The following EPC1 variants were observed in gnomAD, a reference collection of about 807,000 sequenced individuals.
The protein encoded by EPC1 is enhancer of polycomb 1.
In EPC1, 12 loss-of-function variants were observed where a neutral mutation model predicts 98.4. The observed-to-expected ratio is 0.12, with a 90% CI of 0.08 to 0.20. The LOEUF is 0.20. Among genes scored for constraint, EPC1 ranks in the 10% least tolerant of loss-of-function variants. The probability of loss-of-function intolerance (pLI) is 1.00; values close to 1 mark genes in which losing one functional copy is unlikely to be tolerated. For synonymous variants in EPC1, 357 were observed against 363.9 expected (o/e 0.98, Z 0.21); for missense variants, 729 against 990.5 (o/e 0.74, Z 3.54).
At chr10:32,352,180 G>T (rs1462049797), upstream of EPC1, among the ~76,000 whole-genome samples, 1 of 151,356 alleles carries the variant, frequency 6.6e-6, no homozygotes, top group Admixed American at 6.6e-5. Context: ...GAGTAGCTGG[G>T]ACTACAGGCA....
intron 1 of EPC1, among the ~76,000 whole-genome samples, chr10:32,318,003 C>T (rs567736963): frequency 2.0e-5 from 3 of 152,282 alleles, no homozygotes; most frequent in Admixed American, 2.0e-4. Context: ...AAGTTTCATT[C>T]TGATTCTGTC....
chr10:32,332,030 T>C (rs983252761), intron 1 of EPC1, among the ~76,000 whole-genome samples: 5 of 152,252 alleles, frequency 3.3e-5, no homozygotes, highest in African/African-American at 4.8e-5. Context: ...AAAGTTATCA[T>C]TGACTACCTA....
chr10:32,352,731 A>G (rs1183323341), intron 1 of EPC1, among the ~76,000 whole-genome samples: 3 of 152,218 alleles, frequency 2.0e-5, no homozygotes, highest in African/African-American at 7.2e-5. Flanking sequence ...GTACTAGGTG[A>G]TGCAGAAATA....
chr10:32,325,561 C>T (rs1189939936), intron 1 of EPC1, among the ~76,000 whole-genome samples: 1 of 152,174 alleles, frequency 6.6e-6, no homozygotes, highest in Non-Finnish European at 1.5e-5. Flanking sequence ...CACACAAATT[C>T]CCTTATTTCA....
At chr10:32,269,236 A>C in intron 13 of EPC1, 101 bp from the exon 14 acceptor site, 1 of 947,226 alleles carries the variant, frequency 1.1e-6, no homozygotes, top group Non-Finnish European at 1.6e-6. Context: ...TAACAGGAAG[A>C]AATTGGACTC....
At chr10:32,326,422 C>G (rs1837282706) in intron 1 of EPC1, among the ~76,000 whole-genome samples, 1 of 152,106 alleles carries the variant, frequency 6.6e-6, no homozygotes, top group Non-Finnish European at 1.5e-5. Flanking sequence ...CCTGGTTCCC[C>G]TGCTGATCCA....
chr10:32,310,838 C>T (rs1001395048), intron 1 of EPC1, among the ~76,000 whole-genome samples: 4 of 152,056 alleles, frequency 2.6e-5, no homozygotes, highest in South Asian at 2.1e-4. Context: ...CACGCCACTG[C>T]ACTCCAACCT....
chr10:32,271,151 C>T (rs1835823549), intron 13 of EPC1, among the ~76,000 whole-genome samples: 1 of 151,978 alleles, frequency 6.6e-6, no homozygotes, highest in African/African-American at 2.4e-5. Flanking sequence ...GCCACCATGC[C>T]CGGGTGATTT....
At chr10:32,270,920 G>GA (rs1487351144) in intron 13 of EPC1, among the ~76,000 whole-genome samples, 3 of 149,788 alleles carry the variant, frequency 2.0e-5, no homozygotes, top group Admixed American at 6.7e-5. Context: ...AGAAGCTGTG[G>GA]AAAAAAAGTC....
At chr10:32,310,322 A>G (rs1836133685) in intron 1 of EPC1, among the ~76,000 whole-genome samples, 1 of 152,206 alleles carries the variant, frequency 6.6e-6, no homozygotes, top group African/African-American at 2.4e-5. Flanking sequence ...TTTTCCAGCA[A>G]GAGTTTTATT....
intron 9 of EPC1, 56 bp downstream of exon 9, chr10:32,286,638 T>A: frequency 6.3e-7 from 1 of 1,587,420 alleles, no homozygotes; most frequent in Non-Finnish European, 8.6e-7. Flanking sequence ...AAAAGTTAGA[T>A]TCAATCACCC....
Position 32,286,933 on chromosome 10 carries a change from T to C in EPC1, c.1235A>G (p.Tyr412Cys). The C allele has an allele frequency of 6.2e-7, 1 of 1,613,428 alleles. No individual in the cohort carries two copies. Among genetic ancestry groups the C allele is most frequent in the Non-Finnish European group, 8.5e-7 (1 of 1,179,698 alleles). Residue 412 changes from tyrosine to cysteine, a missense_variant, in exon 8 of 14, where the codon TAC becomes TGC. By Grantham distance (194) the Tyr-to-Cys change is radical. This residue lies in a region of EPC1 where 390 missense variants were observed against 438.6 expected (regional missense o/e 0.89). Transcript: ENST00000319778. ...FAFRRKAGCQYYAPHLDQTGN... is the reference protein window; with the variant it reads ...FAFRRKAGCQCYAPHLDQTGN... ...AGACACTCTGAAACTTACAGCATAG[T>C]ACTGACAGCCTGCTTTCCTACGGAA... is the stretch of plus-strand genomic sequence containing the variant.
intron 2 of EPC1, among the ~76,000 whole-genome samples, chr10:32,301,605 A>G (rs1835548174): frequency 6.6e-6 from 1 of 152,196 alleles, no homozygotes; most frequent in South Asian, 2.1e-4. Flanking sequence ...AATAGAATTG[A>G]GAATCTACAA....
chr10:32,293,252 T>A (rs1834954877), intron 3 of EPC1, 58 bp from the exon 4 acceptor site: 1 of 1,290,868 alleles, frequency 7.7e-7, no homozygotes, highest in South Asian at 1.4e-5. Flanking sequence ...TTCATAAGTA[T>A]TTACTTCTAA....
In EPC1 at chr10:32,358,660, G is replaced by C. The variant is rs116967898; in HGVS notation, c.3+19831C>G. ...AAAAAAAAAAAAAGCGGGGGCGGGGGGGGAAGAAAGTGGGTTTAAATTTTC... is the reference window on the plus strand; with the variant it reads ...AAAAAAAAAAAAAGCGGGGGCGGGGCGGGAAGAAAGTGGGTTTAAATTTTC... On this transcript the variant is annotated intron_variant, in intron 1 of 13. Transcript: ENST00000375110. 4.3e-3 allele frequency among the ~76,000 whole-genome samples: 648 copies of C among 150,762 alleles called. 9 individuals are homozygous for C. The East Asian group carries it at 0.054, about 13-fold the overall frequency.
intron 10 of EPC1, among the ~76,000 whole-genome samples, chr10:32,274,678 C>G (rs956883438): frequency 6.6e-6 from 1 of 152,032 alleles, no homozygotes; most frequent in Non-Finnish European, 1.5e-5. Flanking sequence ...TGATGAGCTC[C>G]TTTTCCTACT....
chr10:32,337,974 T>C (rs1437148005), intron 1 of EPC1, among the ~76,000 whole-genome samples: 1 of 152,204 alleles, frequency 6.6e-6, no homozygotes, highest in South Asian at 2.1e-4. Context: ...TTTCAGTAGC[T>C]CCTCCTCTGA....
Position 32,271,699 on chromosome 10 carries a change from T to C in EPC1, c.2224A>G (p.Thr742Ala). The change falls in exon 13 of 14, where the codon ACT becomes GCT. Residue 742 changes from threonine to alanine, a missense_variant. Physicochemically the swap from Thr to Ala is moderately conservative, Grantham distance 58. This residue lies in a region of EPC1 where 156 missense variants were observed against 188.9 expected (regional missense o/e 0.83). Transcript: ENST00000319778. ...TTTATTGGGGCAATAGAGTTTACAG[T>C]GGCAACTGATGAAGGTACAGTTAAT... ...IRLTVPSSVA[T>A]VNSIAPINAR... 2 of 1,614,224 alleles carry C rather than the reference T, an allele frequency of 1.2e-6. No homozygotes were observed. The highest frequency in any genetic ancestry group is 1.7e-6 in the Non-Finnish European group (2 of 1,180,040).
chr10:32,368,656 A>G (rs1344988043), intron 1 of EPC1, among the ~76,000 whole-genome samples: 1 of 152,224 alleles, frequency 6.6e-6, no homozygotes. Flanking sequence ...TTGACTTAAC[A>G]GAGTACTTGG....
Sources: gnomAD v4.1 joint callset for allele counts (sites outside exome capture counted in the v4.1 genomes callset) on GRCh38, gnomAD v4.1.1 for gene constraint, gnomAD v4.1.1 regional missense constraint, MANE v1.5 for transcripts, NCBI Gene and HGNC (gene_info 2026-07-23, HGNC 2026-07-21) for gene names.